Variants in LAPTM5 observed in about 807,000 individuals in gnomAD.
LAPTM5 encodes the protein lysosomal-associated transmembrane protein 5.
LAPTM5 carries 11 observed loss-of-function variants against 30.1 expected under a neutral mutation model. That is an observed-to-expected ratio of 0.37 (90% CI 0.23 to 0.60). The LOEUF is 0.60. LAPTM5 is among the 20% of genes least tolerant of loss of function. LAPTM5 has a pLI of 0.71. For missense variants in LAPTM5, 324 were observed against 332.5 expected, an observed-to-expected ratio of 0.97 and a Z score of 0.20; for synonymous variants, 151 against 137.9, an observed-to-expected ratio of 1.10 and a Z score of -0.67.
chr1:30,754,545 AAAAC>A (rs1557469648), intron 1 of LAPTM5, among the ~76,000 whole-genome samples: 1 of 152,190 alleles, frequency 6.6e-6, no homozygotes, highest in Non-Finnish European at 1.5e-5. Flanking sequence ...CTTAAAAACA[AAAAC>A]AAAACAAAAC....
At chr1:30,747,259 G>T (rs1027692207) in intron 1 of LAPTM5, among the ~76,000 whole-genome samples, 1 of 152,234 alleles carries the variant, frequency 6.6e-6, no homozygotes, top group East Asian at 1.9e-4. Context: ...GCCTGGTGGT[G>T]CAGGTGTGTT....
chr1:30,740,749 G>GC (rs1639958813), intron 3 of LAPTM5, among the ~76,000 whole-genome samples: 1 of 152,132 alleles, frequency 6.6e-6, no homozygotes, highest in Admixed American at 6.5e-5. Flanking sequence ...AGCACCCACA[G>GC]CCACCCTGCA....
At position 30,755,769 on chromosome 1, in the gene LAPTM5, C is replaced by T. The variant is rs529252614; in HGVS notation, c.87+1890G>A. ...GGCCTGCACTGAGATTTTTTTCTACCATGCATCAATCACTAGCATTGAAAC... is the reference window on the plus strand; with the variant it reads ...GGCCTGCACTGAGATTTTTTTCTACTATGCATCAATCACTAGCATTGAAAC... On this transcript the variant is annotated intron_variant, in intron 1 of 7. Transcript: ENST00000294507. 2.6e-5 allele frequency among the ~76,000 whole-genome samples: 4 copies of T among 152,314 alleles called. No homozygotes were observed. In the South Asian group the frequency reaches 8.3e-4, roughly 32 times the overall value.
At position 30,741,623 on chromosome 1, in the gene LAPTM5, G is replaced by T; in HGVS notation, c.258+17C>A. On this transcript the variant is annotated intron_variant, in intron 3 of 7. Transcript: ENST00000294507. ...AACAGGAAGGGGCAGGGGGCAGCGG[G>T]GCTCCTGAGCCCTCACCTTGACTAC... 9 of 1,576,568 alleles carry T rather than the reference G, an allele frequency of 5.7e-6. No individual in the cohort carries two copies. Among genetic ancestry groups the T allele is most frequent in the Non-Finnish European group, 7.8e-6 (9 of 1,159,632 alleles).
intron 6 of LAPTM5, among the ~76,000 whole-genome samples, chr1:30,737,361 C>G (rs1466419888): frequency 1.3e-5 from 2 of 152,176 alleles, no homozygotes; most frequent in Non-Finnish European, 1.5e-5. Context: ...TTCCAGACAG[C>G]TGGAATTAGA....
intron 1 of LAPTM5, among the ~76,000 whole-genome samples, chr1:30,750,719 T>C (rs1640123750): frequency 6.6e-6 from 1 of 152,144 alleles, no homozygotes; most frequent in South Asian, 2.1e-4. Flanking sequence ...CTCGGGTTCT[T>C]TATCTAACAC....
In LAPTM5 at chr1:30,733,476, G is replaced by T. The variant is rs913550688; in HGVS notation, c.*352C>A. The T allele has an allele frequency of 1.3e-5, 17 of 1,327,556 alleles. No individual in the cohort carries two copies. The highest frequency in any genetic ancestry group is 3.0e-5 in the African/African-American group (2 of 67,632). 82.2% of individuals were successfully genotyped at this position (1,327,556 alleles called of 1,614,324 possible). A position where few individuals can be genotyped will look rare whatever the true frequency, so the allele number is the denominator to read the frequency against. ...TTACTGAACTGACAAGTGGGTTTTT[G>T]ATTTGTCAGTTGCTTGGCTGAACTG... On this transcript the variant is annotated 3_prime_UTR_variant, in exon 8 of 8. Transcript: ENST00000294507.
At chr1:30,740,572 C>T (rs1341052695) in intron 3 of LAPTM5, among the ~76,000 whole-genome samples, 2 of 152,034 alleles carry the variant, frequency 1.3e-5, no homozygotes, top group Non-Finnish European at 2.9e-5. Flanking sequence ...CATATGCTCT[C>T]ACAGCTGGGG....
chr1:30,743,795 G>GT (rs756356075), intron 1 of LAPTM5, among the ~76,000 whole-genome samples: 5,197 of 107,722 alleles, frequency 0.048, 539 homozygotes, highest in African/African-American at 0.17. Flanking sequence ...GACTGTGTGG[G>GT]TTTTTTTTTT....
At chr1:30,741,501 A>C in intron 3 of LAPTM5, 139 bp downstream of exon 3, 1 of 468,156 alleles carries the variant, frequency 2.1e-6, no homozygotes, top group Non-Finnish European at 3.8e-6. Context: ...TCCAAAAGGT[A>C]TGTGTGAAGA....
intron 3 of LAPTM5, among the ~76,000 whole-genome samples, chr1:30,740,694 T>C (rs544232848): frequency 6.6e-6 from 1 of 152,190 alleles, no homozygotes; most frequent in South Asian, 2.1e-4. Context: ...GACCACCTGC[T>C]CCATTTCTCC....
Position 30,757,641 on chromosome 1 carries a change from C to G in LAPTM5, c.87+18G>C, listed in dbSNP as rs775075793. The G allele has an allele frequency of 6.4e-5, 103 of 1,611,052 alleles. No homozygotes were observed. Among genetic ancestry groups the G allele is most frequent in the Non-Finnish European group, 8.4e-5 (99 of 1,179,100 alleles). ...ACACAAGCACGCACGCACACACACC[C>G]GGGGCCCGCACACTCACCACATGGT... is the stretch of plus-strand genomic sequence containing the variant. On this transcript the variant is annotated intron_variant, in intron 1 of 7. Transcript: ENST00000294507.
At chr1:30,736,378 G>A (rs982669177) in intron 6 of LAPTM5, among the ~76,000 whole-genome samples, 1 of 152,170 alleles carries the variant, frequency 6.6e-6, no homozygotes, top group African/African-American at 2.4e-5. Flanking sequence ...TGCTCTCTGT[G>A]TGGGGTGTGG....
In LAPTM5 at chr1:30,755,269, AG is replaced by A. The variant is rs1182032055; in HGVS notation, c.87+2389del. On this transcript the variant is annotated intron_variant, in intron 1 of 7. Coordinates refer to ENST00000294507, the MANE Select transcript of LAPTM5 (RefSeq NM_006762.3). ...GGGTAGGGAGATGGGCAGTGCTGCTAGTATCTAGTAGGTAGAGACCATGGAT... is the reference window on the plus strand; with the variant it reads ...GGGTAGGGAGATGGGCAGTGCTGCTATATCTAGTAGGTAGAGACCATGGAT... Among the ~76,000 whole-genome samples, 6 of 151,890 alleles carry A rather than the reference AG, an allele frequency of 4.0e-5. 1 individual carries two copies. In the South Asian group the frequency reaches 1.2e-3, roughly 32 times the overall value.
Position 30,746,927 on chromosome 1 carries a change from G to T in LAPTM5, c.88-4378C>A, listed in dbSNP as rs1443391044. On this transcript the variant is annotated intron_variant, in intron 1 of 7. Transcript: ENST00000294507. The surrounding 1 kb of genome is among the most constrained non-coding windows in gnomAD (Gnocchi z 4.0). Reference sequence around the variant, plus strand: ...GGGTGGTGGTTTTTGCTACCTCTGGGCATTCACTGACTCTCAGTAAACACT... The same window carrying T: ...GGGTGGTGGTTTTTGCTACCTCTGGTCATTCACTGACTCTCAGTAAACACT... Among the ~76,000 whole-genome samples, 1 of 152,164 alleles carries T rather than the reference G, an allele frequency of 6.6e-6. No individual in the cohort carries two copies. The highest frequency in any genetic ancestry group is 6.5e-5 in the Admixed American group (1 of 15,276).
At chr1:30,741,930 G>A (rs1639977139) in intron 2 of LAPTM5, 1 of 434,088 alleles carries the variant, frequency 2.3e-6, no homozygotes, top group East Asian at 4.3e-5. Flanking sequence ...GAGGGTGCTG[G>A]GCTGGAGGTG....
At chr1:30,756,637 G>A in intron 1 of LAPTM5, among the ~76,000 whole-genome samples, 1 of 152,226 alleles carries the variant, frequency 6.6e-6, no homozygotes, top group Admixed American at 6.5e-5. Flanking sequence ...TCGCCCCCCT[G>A]AAGGCTGGGC....
intron 1 of LAPTM5, among the ~76,000 whole-genome samples, chr1:30,753,806 C>G (rs1041403380): frequency 1.3e-5 from 2 of 152,162 alleles, no homozygotes; most frequent in Non-Finnish European, 1.5e-5. Flanking sequence ...TTGCAACAAA[C>G]GCACCACACT....
intron 6 of LAPTM5, 93 bp downstream of exon 6, chr1:30,737,511 T>A: frequency 1.2e-6 from 1 of 828,818 alleles, no homozygotes; most frequent in Admixed American, 2.1e-5. Flanking sequence ...GGAGGACACA[T>A]GTCCCTGCCT....
Sources: allele counts gnomAD v4.1 joint callset (sites outside exome capture counted in the v4.1 genomes callset), GRCh38; gene constraint gnomAD v4.1.1; non-coding constraint Gnocchi (gnomAD v3.1); transcripts MANE v1.5; gene names NCBI Gene and HGNC (gene_info 2026-07-23, HGNC 2026-07-21).